The following ABCD3 variants were observed in gnomAD, a reference collection of about 807,000 sequenced individuals.
ABCD3 encodes the protein ATP-binding cassette sub-family D member 3.
A neutral mutation model predicts 105.5 loss-of-function variants in ABCD3; 41 were observed. The observed-to-expected ratio is 0.39, with a 90% CI of 0.30 to 0.50. The LOEUF is 0.50. Ranked by LOEUF, ABCD3 falls within the 20% of genes least tolerant of loss-of-function variation. The probability of loss-of-function intolerance (pLI) is 0.84; values close to 1 mark genes in which losing one functional copy is unlikely to be tolerated. For missense variants in ABCD3, 622 were observed against 806.3 expected (o/e 0.77, Z 2.77); for synonymous variants, 258 against 269.0 (o/e 0.96, Z 0.40).
chr1:94,445,995 CA>C (rs922238506), intron 1 of ABCD3, among the ~76,000 whole-genome samples: 1 of 152,150 alleles, frequency 6.6e-6, no homozygotes, highest in African/African-American at 2.4e-5. Context: ...AGGAAATACT[CA>C]GTTTCCTGGA....
At chr1:94,493,499 T>C (rs1352870765) in intron 16 of ABCD3, among the ~76,000 whole-genome samples, 1 of 151,516 alleles carries the variant, frequency 6.6e-6, no homozygotes, top group East Asian at 1.9e-4. Context: ...TTGGTGGGAC[T>C]GTAAACTAGT....
At chr1:94,450,157 T>C (rs190324937) in intron 1 of ABCD3, among the ~76,000 whole-genome samples, 1 of 152,384 alleles carries the variant, frequency 6.6e-6, no homozygotes, top group East Asian at 1.9e-4. Context: ...TTGGACGATC[T>C]GTGATTTCAC....
intron 1 of ABCD3, among the ~76,000 whole-genome samples, chr1:94,420,478 G>T (rs1038000752): frequency 1.3e-5 from 2 of 152,106 alleles, no homozygotes; most frequent in African/African-American, 4.8e-5. Flanking sequence ...CTTTTGTGGG[G>T]ATTAAATTCT....
the ABCD3 span, among the ~76,000 whole-genome samples, chr1:94,392,233 C>A: frequency 1.3e-5 from 2 of 152,178 alleles, no homozygotes; most frequent in Non-Finnish European, 2.9e-5. Flanking sequence ...GTGGAAATGA[C>A]ATGTGTTCGT....
chr1:94,516,235 CTA>C (rs1453567647), intron 22 of ABCD3, among the ~76,000 whole-genome samples: 2 of 151,870 alleles, frequency 1.3e-5, no homozygotes, highest in African/African-American at 4.8e-5. Flanking sequence ...CCTTACCTTC[CTA>C]TCTCTTAGAT....
chr1:94,415,035 C>T (rs1202033173), upstream of ABCD3, among the ~76,000 whole-genome samples: 1 of 152,144 alleles, frequency 6.6e-6, no homozygotes, highest in Admixed American at 6.5e-5. Flanking sequence ...GGTCTGGCTC[C>T]TGGTGGGAGG....
At chr1:94,438,285 CACACACACACACACAT>C (rs1294948521) in intron 1 of ABCD3, among the ~76,000 whole-genome samples, 7 of 54,560 alleles carry the variant, frequency 1.3e-4, no homozygotes, top group Admixed American at 2.1e-4. Flanking sequence ...GACTCCATCA[CACACACACACACACAT>C]ACACACACAC....
chr1:94,479,570 A>C (rs369480523), intron 8 of ABCD3, among the ~76,000 whole-genome samples: 37 of 152,276 alleles, frequency 2.4e-4, no homozygotes, highest in African/African-American at 8.9e-4. Flanking sequence ...AACAATTATG[A>C]TGCAGCATGA....
the ABCD3 span, among the ~76,000 whole-genome samples, chr1:94,386,885 T>G: frequency 6.6e-6 from 1 of 152,048 alleles, no homozygotes; most frequent in African/African-American, 2.4e-5. Context: ...AAAATAAAAT[T>G]TACTGGGTCA....
the ABCD3 span, among the ~76,000 whole-genome samples, chr1:94,390,006 C>A: frequency 6.6e-6 from 1 of 152,088 alleles, no homozygotes; most frequent in Non-Finnish European, 1.5e-5. Context: ...GGTAAAATGG[C>A]AAATATGTAC....
chr1:94,514,545 C>G (rs1650840619), intron 21 of ABCD3: 1 of 151,732 alleles, frequency 6.6e-6, no homozygotes, highest in African/African-American at 2.4e-5. Context: ...AATTTTGTAG[C>G]AAGCTCACTG....
Position 94,481,059 on chromosome 1 carries a change from G to A in ABCD3, c.827+453G>A, listed in dbSNP as rs188218773. 2.6e-3 allele frequency among the ~76,000 whole-genome samples: 393 copies of A among 152,268 alleles called. 3 individuals are homozygous for A. The highest frequency in any genetic ancestry group is 9.1e-3 in the African/African-American group (380 of 41,554). ...AGGAAGAAAAAGTGTGGACTTTGGAGCCAGCCATACTAGCTTCAAAATCTA... is the reference window on the plus strand; with the variant it reads ...AGGAAGAAAAAGTGTGGACTTTGGAACCAGCCATACTAGCTTCAAAATCTA... On this transcript the variant is annotated intron_variant, in intron 9 of 22. Transcript: ENST00000370214.
At chr1:94,448,737 GC>G (rs1364954861) in intron 1 of ABCD3, among the ~76,000 whole-genome samples, 1 of 152,154 alleles carries the variant, frequency 6.6e-6, no homozygotes, top group East Asian at 1.9e-4. Flanking sequence ...AACAGATAAT[GC>G]CCCAGGCTAT....
intron 1 of ABCD3, among the ~76,000 whole-genome samples, chr1:94,440,144 A>T (rs1202680095): frequency 6.6e-6 from 1 of 152,098 alleles, no homozygotes; most frequent in East Asian, 1.9e-4. Flanking sequence ...GGATATTTTT[A>T]TTCTTGTATT....
intron 18 of ABCD3, 45 bp from the exon 19 acceptor site, chr1:94,498,899 AT>A: frequency 6.2e-7 from 1 of 1,610,424 alleles, no homozygotes. Context: ...TTGTTTATTT[AT>A]TTTTTCATGT....
At chr1:94,430,077 G>A (rs1037017771) in intron 1 of ABCD3, among the ~76,000 whole-genome samples, 2 of 152,248 alleles carry the variant, frequency 1.3e-5, no homozygotes, top group East Asian at 3.8e-4. Flanking sequence ...GGAGTCAGAG[G>A]AGATAATTTT....
chr1:94,475,863 A>G (rs1648713028), intron 7 of ABCD3, 126 bp downstream of exon 7: 1 of 752,610 alleles, frequency 1.3e-6, no homozygotes, highest in African/African-American at 1.8e-5. Context: ...CTTTTATAAG[A>G]AAATTAGAGT....
chr1:94,498,517 A>T, intron 16 of ABCD3, 85 bp from the exon 17 acceptor site: 2 of 1,339,300 alleles, frequency 1.5e-6, no homozygotes, highest in Non-Finnish European at 2.1e-6. Flanking sequence ...AGGAGCTATT[A>T]ATATTTGAGT....
chr1:94,436,747 TTTG>T (rs1659919158), intron 1 of ABCD3, among the ~76,000 whole-genome samples: 1 of 152,202 alleles, frequency 6.6e-6, no homozygotes, highest in African/African-American at 2.4e-5. Flanking sequence ...ATTGGACATC[TTTG>T]TTGTTACTAT....
Sources: allele counts gnomAD v4.1 joint callset (sites outside exome capture counted in the v4.1 genomes callset), GRCh38; gene constraint gnomAD v4.1.1; transcripts MANE v1.5; gene names NCBI Gene and HGNC (gene_info 2026-07-23, HGNC 2026-07-21).